Variants in SLC30A8 observed in about 807,000 individuals in gnomAD.
SLC30A8 encodes the protein proton-coupled zinc antiporter SLC30A8.
SLC30A8 carries 27 observed loss-of-function variants against 36.9 expected under a neutral mutation model. That is an observed-to-expected ratio of 0.73 (90% CI 0.54 to 1.01). The LOEUF (loss-of-function observed/expected upper bound fraction) is 1.01, where lower values mean the gene tolerates loss of function less well. Among genes scored for constraint, SLC30A8 ranks in the 50% least tolerant of loss-of-function variants. The pLI is 0.00. For synonymous variants in SLC30A8, 164 were observed against 172.4 expected, an observed-to-expected ratio of 0.95 and a Z score of 0.38; for missense variants, 439 against 452.0, an observed-to-expected ratio of 0.97 and a Z score of 0.26.
chr8:117,128,974 A>C (rs1293342994), intron 2 of SLC30A8, among the ~76,000 whole-genome samples: 2 of 152,066 alleles, frequency 1.3e-5, no homozygotes, highest in Non-Finnish European at 2.9e-5. Flanking sequence ...ATTCAGCATG[A>C]AAACATGTTA....
chr8:117,096,596 G>C (rs766120902), intron 2 of SLC30A8, among the ~76,000 whole-genome samples: 1 of 151,256 alleles, frequency 6.6e-6, no homozygotes, highest in Non-Finnish European at 1.5e-5. Flanking sequence ...AGCACACACA[G>C]AAGTTATAAA....
At chr8:117,171,312 G>A (rs2464592) in intron 7 of SLC30A8, 144 bp downstream of exon 7, 609,531 of 886,660 alleles carry the variant, frequency 0.69, 215,089 homozygotes, top group East Asian at 0.83. Context: ...AAGGGCCTTT[G>A]AAACCAGCCC....
At chr8:117,102,270 A>C (rs1819757424) in intron 2 of SLC30A8, among the ~76,000 whole-genome samples, 1 of 152,146 alleles carries the variant, frequency 6.6e-6, no homozygotes, top group South Asian at 2.1e-4. Context: ...GCTTCAATTC[A>C]TTTGTCTTAA....
At chr8:117,130,892 C>G (rs1460580116), upstream of SLC30A8, among the ~76,000 whole-genome samples, 1 of 151,940 alleles carries the variant, frequency 6.6e-6, no homozygotes, top group Non-Finnish European at 1.5e-5. Context: ...CTTCAAGCAG[C>G]TAGCCCCAAT....
At chr8:117,003,270 C>T (rs1389746463) in intron 1 of SLC30A8, among the ~76,000 whole-genome samples, 5 of 152,128 alleles carry the variant, frequency 3.3e-5, no homozygotes, top group Non-Finnish European at 5.9e-5. Flanking sequence ...ATGGTATTGT[C>T]AACACGTATG....
chr8:117,042,965 C>T (rs947753699), intron 2 of SLC30A8, among the ~76,000 whole-genome samples: 16 of 152,290 alleles, frequency 1.1e-4, no homozygotes, highest in South Asian at 1.0e-3. Flanking sequence ...CGTGAGCCAC[C>T]GCGCCCAGGC....
At position 116,984,305 on chromosome 8, in the gene SLC30A8, C is replaced by A. The variant is rs1289161012; in HGVS notation, c.-266+33186C>A. 2.0e-5 allele frequency among the ~76,000 whole-genome samples: 3 copies of A among 152,174 alleles called. No individual in the cohort carries two copies. In the East Asian group the frequency reaches 5.8e-4, roughly 29 times the overall value. On this transcript the variant is annotated intron_variant, in intron 1 of 10. Coordinates refer to the SLC30A8 transcript ENST00000427715. The stretch of plus-strand genomic sequence containing the variant: ...AGGTTTTTATGTGAACTTAAGTTTT[C>A]ATTTCTCTGGGATAAATATCCAGGA...
intron 2 of SLC30A8, among the ~76,000 whole-genome samples, chr8:117,120,171 G>A (rs1820630215): frequency 6.6e-6 from 1 of 151,742 alleles, no homozygotes; most frequent in African/African-American, 2.4e-5. Flanking sequence ...AAGTAATCTT[G>A]AGAAAAAACA....
intron 2 of SLC30A8, among the ~76,000 whole-genome samples, chr8:117,150,594 A>G (rs1456721241): frequency 1.3e-5 from 2 of 152,052 alleles, no homozygotes; most frequent in African/African-American, 4.8e-5. Flanking sequence ...CGCTAACACT[A>G]TCGAGACTTT....
chr8:116,951,656 T>A (rs747993453), intron 1 of SLC30A8, among the ~76,000 whole-genome samples: 6 of 152,024 alleles, frequency 3.9e-5, no homozygotes, highest in Admixed American at 3.3e-4. Flanking sequence ...AATTTTTTGG[T>A]GATTCCTTGT....
intron 2 of SLC30A8, among the ~76,000 whole-genome samples, chr8:117,051,214 T>C (rs1325479154): frequency 6.6e-6 from 1 of 152,242 alleles, no homozygotes; most frequent in East Asian, 1.9e-4. Context: ...GTTAAAATTG[T>C]ACTGACTCGT....
chr8:116,970,690 G>A (rs150879933), intron 1 of SLC30A8, among the ~76,000 whole-genome samples: 1 of 152,288 alleles, frequency 6.6e-6, no homozygotes, highest in African/African-American at 2.4e-5. Flanking sequence ...ACGTCATTAT[G>A]TGGCTCATAT....
At position 117,137,116 on chromosome 8, in the gene SLC30A8, C is replaced by T. The variant is rs576549266; in HGVS notation, c.71+1718C>T. Among the ~76,000 whole-genome samples the T allele has an allele frequency of 4.1e-4, 62 of 152,006 alleles. 3 individuals are homozygous for T. In the South Asian group the frequency reaches 0.012, roughly 29 times the overall value. On this transcript the variant is annotated intron_variant, in intron 1 of 7. Coordinates refer to ENST00000456015, the MANE Select transcript of SLC30A8 (RefSeq NM_173851.3). ...TTGTTAATTTAGTGTTCCCCTTCTC[C>T]GTCTACATCTCCTGTACCCATACAT...
chr8:117,046,423 C>A (rs576664145), intron 2 of SLC30A8, among the ~76,000 whole-genome samples: 3 of 152,260 alleles, frequency 2.0e-5, no homozygotes, highest in Non-Finnish European at 2.9e-5. Flanking sequence ...ACAAGTTAAG[C>A]CCTCAGTACA....
chr8:116,988,834 C>A (rs1351823221), intron 1 of SLC30A8, among the ~76,000 whole-genome samples: 2 of 152,230 alleles, frequency 1.3e-5, no homozygotes, highest in African/African-American at 4.8e-5. Flanking sequence ...TACTACTTCT[C>A]TGAATTATCT....
chr8:117,164,014 G>A (rs1329342826), intron 6 of SLC30A8: 1 of 153,126 alleles, frequency 6.5e-6, no homozygotes, highest in East Asian at 1.9e-4. Context: ...GAGCAGAGCA[G>A]AACACAGCTC....
intron 1 of SLC30A8, among the ~76,000 whole-genome samples, chr8:117,038,266 G>A (rs1381736835): frequency 3.9e-5 from 6 of 152,102 alleles, no homozygotes; most frequent in Non-Finnish European, 5.9e-5. Flanking sequence ...ATTATTTCTA[G>A]CTTATTGTAC....
intron 2 of SLC30A8, among the ~76,000 whole-genome samples, chr8:117,055,013 G>C (rs1817827323): frequency 6.6e-6 from 1 of 152,190 alleles, no homozygotes; most frequent in African/African-American, 2.4e-5. Flanking sequence ...TAGCTGTGAG[G>C]CTTCACTCGC....
At chr8:117,016,013 A>G (rs1816506383) in intron 1 of SLC30A8, among the ~76,000 whole-genome samples, 2 of 152,186 alleles carry the variant, frequency 1.3e-5, no homozygotes, top group Admixed American at 1.3e-4. Context: ...ATGCGCTTGA[A>G]TAAGAAGGAA....
Sources: gnomAD v4.1 joint callset for allele counts (sites outside exome capture counted in the v4.1 genomes callset) on GRCh38, gnomAD v4.1.1 for gene constraint, MANE v1.5 for transcripts, NCBI Gene and HGNC (gene_info 2026-07-23, HGNC 2026-07-21) for gene names.